COL23A1: variants seen among roughly 807,000 people sequenced by gnomAD.
COL23A1 encodes the protein collagen alpha-1(XXIII) chain.
Under a neutral mutation model 99.3 loss-of-function variants are expected in COL23A1, and 97 were observed. The ratio of observed to expected loss-of-function variants is 0.98; its 90% CI spans 0.83 to 1.16. The LOEUF is 1.16. Ranked by LOEUF, COL23A1 falls within the 50% of genes most tolerant of loss-of-function variation. The pLI is 0.00. For synonymous variants in COL23A1, 320 were observed against 308.2 expected (o/e 1.04, Z -0.40); for missense variants, 762 against 757.4 (o/e 1.01, Z -0.07).
chr5:178,571,865 T>G (rs377766480), intron 1 of COL23A1, among the ~76,000 whole-genome samples: 7 of 152,024 alleles, frequency 4.6e-5, no homozygotes, highest in South Asian at 2.1e-4. Context: ...GTCAGGAGAT[T>G]GAGACCATCC....
At chr5:178,484,820 TCAAAAA>T (rs1757527787) in intron 2 of COL23A1, among the ~76,000 whole-genome samples, 1 of 39,884 alleles carries the variant, frequency 2.5e-5, no homozygotes, top group African/African-American at 9.8e-5. Context: ...AGACTCTGTC[TCAAAAA>T]AAAAAAAAAA....
intron 7 of COL23A1, 71 bp from the exon 8 acceptor site, chr5:178,267,404 T>A: frequency 1.4e-6 from 2 of 1,475,198 alleles, no homozygotes; most frequent in Non-Finnish European, 9.4e-7. Context: ...GTCGGGCATC[T>A]GTGCCCAGTG....
chr5:178,436,303 G>T (rs977752399), intron 2 of COL23A1, among the ~76,000 whole-genome samples: 2 of 152,102 alleles, frequency 1.3e-5, no homozygotes, highest in African/African-American at 4.8e-5. Context: ...GACAGAGGCA[G>T]AAAGACCAGA....
chr5:178,368,377 C>T (rs1175669325), intron 2 of COL23A1, among the ~76,000 whole-genome samples: 1 of 152,180 alleles, frequency 6.6e-6, no homozygotes, highest in Non-Finnish European at 1.5e-5. Context: ...AAACGCACAG[C>T]CTCCCCCATG....
chr5:178,367,127 T>C (rs1762526019), intron 2 of COL23A1, among the ~76,000 whole-genome samples: 1 of 152,240 alleles, frequency 6.6e-6, no homozygotes, highest in South Asian at 2.1e-4. Context: ...AGACATTTCC[T>C]TTAGCCAAAT....
At chr5:178,247,421 G>T in intron 22 of COL23A1, 105 bp downstream of exon 22, 1 of 1,330,746 alleles carries the variant, frequency 7.5e-7, no homozygotes, top group Non-Finnish European at 1.1e-6. Context: ...CTCAGGGATG[G>T]GCCAGGGCGG....
At chr5:178,586,563 T>C (rs1158785254) in intron 1 of COL23A1, among the ~76,000 whole-genome samples, 1 of 149,588 alleles carries the variant, frequency 6.7e-6, no homozygotes, top group Non-Finnish European at 1.5e-5. Flanking sequence ...CTTGGCTCAT[T>C]CTAAACATGC....
intron 2 of COL23A1, among the ~76,000 whole-genome samples, chr5:178,457,218 T>C (rs2127886616): frequency 6.6e-6 from 1 of 152,210 alleles, no homozygotes; most frequent in South Asian, 2.1e-4. Context: ...CATTCTTTTT[T>C]TCTTTTTTCT....
At chr5:178,478,854 G>A (rs1326170849) in intron 2 of COL23A1, among the ~76,000 whole-genome samples, 2 of 152,174 alleles carry the variant, frequency 1.3e-5, no homozygotes, top group African/African-American at 2.4e-5. Flanking sequence ...TTACCCCAGA[G>A]GATAAAGGCA....
chr5:178,330,175 C>T (rs1759931937), intron 2 of COL23A1, among the ~76,000 whole-genome samples: 1 of 152,224 alleles, frequency 6.6e-6, no homozygotes, highest in Non-Finnish European at 1.5e-5. Context: ...GACTGCTGCC[C>T]TCCCTGCAGA....
chr5:178,456,266 A>G (rs1767788067), intron 2 of COL23A1, among the ~76,000 whole-genome samples: 1 of 152,250 alleles, frequency 6.6e-6, no homozygotes, highest in Admixed American at 6.5e-5. Flanking sequence ...CATGGCAAAC[A>G]TGGATTACTT....
intron 2 of COL23A1, chr5:178,523,357 G>A (rs1435283835): frequency 7.0e-6 from 1 of 143,542 alleles, no homozygotes; most frequent in Non-Finnish European, 1.5e-5. Flanking sequence ...AACCTGGGAG[G>A]AGGAGGTTGC....
At chr5:178,448,915 T>G (rs368143642) in intron 2 of COL23A1, among the ~76,000 whole-genome samples, 2 of 131,920 alleles carry the variant, frequency 1.5e-5, no homozygotes, top group African/African-American at 2.6e-5. Flanking sequence ...ATAAAGTTTT[T>G]TTTTTTTTTA....
rs767398186 is a variant in COL23A1 at position 178,358,270 on chromosome 5, A to ATGTATATGTGTG, written c.362-51352_362-51351insCACACATATACA. Among the ~76,000 whole-genome samples, 1,018 of 127,968 alleles carry ATGTATATGTGTG rather than the reference A, an allele frequency of 8.0e-3. 12 individuals carry two copies. The highest frequency in any genetic ancestry group is 0.013 in the Non-Finnish European group (787 of 61,592). 84.0% of individuals were successfully genotyped at this position (127,968 alleles called of 152,430 possible). ...TATGTGTGTGTATGTATATGTGTGT[A>ATGTATATGTGTG]TATGTGTGTATGCGTGTGCGTATAT... On this transcript the variant is annotated intron_variant, in intron 2 of 28. Transcript: ENST00000390654.
At chr5:178,325,553 G>A (rs775055550) in intron 2 of COL23A1, among the ~76,000 whole-genome samples, 1 of 151,378 alleles carries the variant, frequency 6.6e-6, no homozygotes, top group Non-Finnish European at 1.5e-5. Flanking sequence ...ATGGACTTAT[G>A]TCTTAGCCTT....
At chr5:178,574,946 C>T (rs966237427) in intron 1 of COL23A1, among the ~76,000 whole-genome samples, 1 of 152,174 alleles carries the variant, frequency 6.6e-6, no homozygotes, top group Non-Finnish European at 1.5e-5. Context: ...TGGGACAACT[C>T]TTCATTTGCT....
At chr5:178,289,492 T>C (rs552005450) in intron 4 of COL23A1, among the ~76,000 whole-genome samples, 1 of 152,262 alleles carries the variant, frequency 6.6e-6, no homozygotes, top group Middle Eastern at 3.4e-3. Context: ...TGCAGTGACA[T>C]TTTCCTCCTG....
At chr5:178,269,470 TCCACCCACCCATCCAC>T (rs1756131860) in intron 6 of COL23A1, among the ~76,000 whole-genome samples, 1 of 81,976 alleles carries the variant, frequency 1.2e-5, no homozygotes, top group African/African-American at 5.3e-5. Flanking sequence ...CATCCACCCA[TCCACCCACCCATCCAC>T]CCACCCATCC....
At chr5:178,358,846 A>G in intron 2 of COL23A1, among the ~76,000 whole-genome samples, 1 of 152,126 alleles carries the variant, frequency 6.6e-6, no homozygotes, top group East Asian at 1.9e-4. Context: ...TAAAATCTGC[A>G]CCTATATATT....
Sources: gnomAD v4.1 joint callset for allele counts (sites outside exome capture counted in the v4.1 genomes callset) on GRCh38, gnomAD v4.1.1 for gene constraint, MANE v1.5 for transcripts, NCBI Gene and HGNC (gene_info 2026-07-23, HGNC 2026-07-21) for gene names.